The following NTNG1 variants were observed in gnomAD, a reference collection of about 807,000 sequenced individuals.
NTNG1 encodes the protein netrin G1, also known as netrin-G1.
In NTNG1, 16 loss-of-function variants were observed where a neutral mutation model predicts 54.0. The ratio of observed to expected loss-of-function variants is 0.30; its 90% CI spans 0.20 to 0.45. The LOEUF is 0.45. Among genes scored for constraint, NTNG1 ranks in the 20% least tolerant of loss-of-function variants. The pLI is 1.00. For synonymous variants in NTNG1, 255 were observed against 263.1 expected, an observed-to-expected ratio of 0.97 and a Z score of 0.30; for missense variants, 530 against 678.7, an observed-to-expected ratio of 0.78 and a Z score of 2.43.
chr1:107,468,480 G>A (rs776764570), intron 7 of NTNG1, among the ~76,000 whole-genome samples: 2 of 152,198 alleles, frequency 1.3e-5, no homozygotes, highest in Admixed American at 6.5e-5. Flanking sequence ...AATGTAGAAT[G>A]TTTTACAAAT....
Position 107,395,697 on chromosome 1 carries a change from C to T in NTNG1, c.1060+371C>T, listed in dbSNP as rs529017345. 8.5e-5 allele frequency among the ~76,000 whole-genome samples: 13 copies of T among 152,234 alleles called. No individual in the cohort carries two copies. The East Asian group carries it at 2.5e-3, about 29-fold the overall frequency. On this transcript the variant is annotated intron_variant, in intron 4 of 7. Coordinates refer to ENST00000370068, the MANE Select transcript of NTNG1 (RefSeq NM_001113226.3). ...TTTAATTTTAGCCATAAACAATTTA[C>T]AGAAATTATTTGAATGTTTACAGCC...
At chr1:107,423,000 G>A (rs890768473) in intron 5 of NTNG1, among the ~76,000 whole-genome samples, 1 of 151,850 alleles carries the variant, frequency 6.6e-6, no homozygotes, top group African/African-American at 2.4e-5. Context: ...TGATTTCCTG[G>A]AAATCTCATC....
intron 4 of NTNG1, among the ~76,000 whole-genome samples, chr1:107,405,684 A>G (rs1208031366): frequency 1.3e-5 from 2 of 152,066 alleles, no homozygotes; most frequent in African/African-American, 4.8e-5. Flanking sequence ...GCACCTTGTA[A>G]GTTTGTAAAG....
At chr1:107,225,329 A>G (rs1660602731) in intron 2 of NTNG1, among the ~76,000 whole-genome samples, 1 of 152,150 alleles carries the variant, frequency 6.6e-6, no homozygotes. Flanking sequence ...AAGGCAGTTG[A>G]GAAGCACCTG....
intron 5 of NTNG1, among the ~76,000 whole-genome samples, chr1:107,428,628 CAGTTCTCAAA>C (rs1440826237): frequency 1.3e-5 from 2 of 152,114 alleles, no homozygotes; most frequent in African/African-American, 4.8e-5. Flanking sequence ...GAATTCCAGG[CAGTTCTCAAA>C]AAGTCCTTGG....
chr1:107,461,478 C>T (rs937359368), intron 7 of NTNG1, among the ~76,000 whole-genome samples: 1 of 152,118 alleles, frequency 6.6e-6, no homozygotes, highest in Non-Finnish European at 1.5e-5. Context: ...AAGATAAACA[C>T]CAGATCACCC....
intron 3 of NTNG1, among the ~76,000 whole-genome samples, chr1:107,334,994 G>A (rs775067447): frequency 3.1e-4 from 47 of 151,996 alleles, no homozygotes; most frequent in African/African-American, 8.4e-4. Flanking sequence ...CAACCAGATC[G>A]CAAAGCTTCA....
At chr1:107,376,846 G>A (rs1671305184) in intron 3 of NTNG1, among the ~76,000 whole-genome samples, 2 of 151,978 alleles carry the variant, frequency 1.3e-5, no homozygotes, top group African/African-American at 2.4e-5. Context: ...CAAGTGTCCC[G>A]TCTTCCCCTA....
intron 5 of NTNG1, among the ~76,000 whole-genome samples, chr1:107,429,735 C>T (rs1180293988): frequency 6.6e-6 from 1 of 152,158 alleles, no homozygotes; most frequent in Non-Finnish European, 1.5e-5. Context: ...AGATACCCCA[C>T]CTAGTTACCA....
intron 2 of NTNG1, among the ~76,000 whole-genome samples, chr1:107,291,069 T>C (rs886365849): frequency 1.3e-5 from 2 of 150,710 alleles, no homozygotes; most frequent in Non-Finnish European, 2.9e-5. Flanking sequence ...ACTGTGTGGG[T>C]CTACTTATAC....
chr1:107,418,665 C>CT, intron 5 of NTNG1: 2 of 1,538,326 alleles, frequency 1.3e-6, no homozygotes, highest in Non-Finnish European at 1.8e-6. Flanking sequence ...TGTAAAATTC[C>CT]TACGGACATA....
At chr1:107,163,988 T>C (rs1288931773) in intron 2 of NTNG1, among the ~76,000 whole-genome samples, 1 of 152,196 alleles carries the variant, frequency 6.6e-6, no homozygotes, top group Admixed American at 6.5e-5. Context: ...AAGCATCCAA[T>C]GGATTTCCGT....
intron 2 of NTNG1, among the ~76,000 whole-genome samples, chr1:107,255,115 G>C (rs1662848226): frequency 1.3e-5 from 2 of 152,090 alleles, no homozygotes; most frequent in African/African-American, 4.8e-5. Context: ...ATGCATCCCA[G>C]CAAATGAGAA....
intron 3 of NTNG1, among the ~76,000 whole-genome samples, chr1:107,381,348 TAAAAAAAAAAAAAAA>T (rs10598493): frequency 1.9e-5 from 1 of 51,656 alleles, no homozygotes; most frequent in Admixed American, 2.5e-4. Flanking sequence ...TCTCTTTAAC[TAAAAAAAAAAAAAAA>T]AAAAAAAAAA....
Position 107,408,224 on chromosome 1 carries a change from A to T in NTNG1, c.1087+516A>T. ...TCTATGTTTTGTGAAGGCCTGAAAC[A>T]GGCAAATTTGTGATCAGTAGTCTCT... is the stretch of plus-strand genomic sequence containing the variant. On this transcript the variant is annotated intron_variant, in intron 5 of 7. Transcript: ENST00000370068. 3 of 214,580 alleles carry T rather than the reference A, an allele frequency of 1.4e-5. No homozygotes were observed. The South Asian group carries it at 2.1e-4, about 15-fold the overall frequency. 13.3% of individuals were successfully genotyped at this position (214,580 alleles called of 1,614,324 possible). A position where few individuals can be genotyped will look rare whatever the true frequency, so the allele number is the denominator to read the frequency against.
At chr1:107,405,657 T>C (rs1673370876) in intron 4 of NTNG1, among the ~76,000 whole-genome samples, 1 of 152,150 alleles carries the variant, frequency 6.6e-6, no homozygotes, top group African/African-American at 2.4e-5. Context: ...CTGCCTTGCA[T>C]AATGCCTGGC....
intron 1 of NTNG1, chr1:107,141,393 GCGCAGGGCCGC>G (rs1653683766): frequency 6.7e-6 from 1 of 149,918 alleles, no homozygotes; most frequent in South Asian, 2.1e-4. Context: ...CAGGCTGGCT[GCGCAGGGCCGC>G]CGCCCCGCGC....
At chr1:107,153,953 T>G (rs946875400) in intron 2 of NTNG1, among the ~76,000 whole-genome samples, 6 of 152,188 alleles carry the variant, frequency 3.9e-5, no homozygotes, top group African/African-American at 1.4e-4. Flanking sequence ...TTGTCCCAGA[T>G]AGTGTGCGTA....
intron 2 of NTNG1, among the ~76,000 whole-genome samples, chr1:107,208,742 G>C (rs140174292): frequency 6.0e-4 from 92 of 152,176 alleles, no homozygotes; most frequent in Non-Finnish European, 1.2e-3. Flanking sequence ...CCCTTAGCTG[G>C]AGTCCCTCCC....
Sources: allele counts gnomAD v4.1 joint callset (sites outside exome capture counted in the v4.1 genomes callset), GRCh38; gene constraint gnomAD v4.1.1; transcripts MANE v1.5; gene names NCBI Gene and HGNC (gene_info 2026-07-23, HGNC 2026-07-21).